Variants in STOML1 observed in about 807,000 individuals in gnomAD.
STOML1 encodes the protein stomatin-like protein 1.
In STOML1, 27 loss-of-function variants were observed where a neutral mutation model predicts 35.7. The ratio of observed to expected loss-of-function variants is 0.76; its 90% CI spans 0.56 to 1.04. The LOEUF (loss-of-function observed/expected upper bound fraction) is 1.04, where lower values mean the gene tolerates loss of function less well. STOML1 is among the 50% of genes least tolerant of loss of function. STOML1 has a pLI of 0.00. For synonymous variants in STOML1, 219 were observed against 227.9 expected, an observed-to-expected ratio of 0.96 and a Z score of 0.35; for missense variants, 451 against 527.1, an observed-to-expected ratio of 0.86 and a Z score of 1.41.
rs776465396 is a variant in STOML1, at chr15:73,985,434, G to T, written c.674C>A (p.Pro225Gln). ...VELAVEAVLQ[P>Q]PQDSPAGPNL... ...GGGCCCAGCTGGGCTGTCCTGGGGC[G>T]GCTGGAGCACGGCCTCCACTGCCAG... The change falls in exon 5 of 7, where the codon CCG becomes CAG. Residue 225 changes from proline (P) to glutamine (Q), a missense_variant. Pro to Gln is a moderately conservative substitution (Grantham distance 76). Coordinates refer to ENST00000541638, the MANE Select transcript of STOML1 (RefSeq NM_004809.5). 32 of 1,554,874 alleles carry T rather than the reference G, an allele frequency of 2.1e-5. No individual in the cohort carries two copies. The highest frequency in any genetic ancestry group is 2.8e-5 in the Non-Finnish European group (32 of 1,157,464).
At position 73,982,803 on chromosome 15, in the gene STOML1, C is replaced by A; in HGVS notation, c.*1134G>T. ...GAGAGTACTGGAGCAGAAAGCAGGG[C>A]TGGGCTGGGCCTGGGGCCAGACCTC... On this transcript the variant is annotated 3_prime_UTR_variant, in exon 7 of 7. Transcript: ENST00000541638. 6.6e-6 allele frequency: 1 copy of A among 152,352 alleles called. No individual in the cohort carries two copies. The highest frequency in any genetic ancestry group is 2.1e-4 in the South Asian group (1 of 4,826). 9.4% of individuals were successfully genotyped at this position (152,352 alleles called of 1,614,324 possible).
rs1271302426 is a variant in STOML1 at position 73,979,071 on chromosome 15, T to G, written c.*4866A>C. The G allele has an allele frequency of 6.6e-6, 1 of 152,080 alleles. No homozygotes were observed. Among genetic ancestry groups the G allele is most frequent in the Non-Finnish European group, 1.5e-5 (1 of 68,028 alleles). The allele number at this position is 152,080 out of a possible 1,614,324, so 9.4% of individuals were successfully genotyped here. A position where few individuals can be genotyped will look rare whatever the true frequency, so the allele number is the denominator to read the frequency against. On this transcript the variant is annotated 3_prime_UTR_variant, in exon 7 of 7. Transcript: ENST00000541638. ...CAAACTACAGATACACAGAATAACA[T>G]GTATTACTCTCAAAACCATTACAGT...
intron 6 of STOML1, among the ~76,000 whole-genome samples, 190 bp downstream of exon 6, chr15:73,984,469 T>C (rs1416901304): frequency 2.0e-5 from 3 of 152,198 alleles, no homozygotes; most frequent in African/African-American, 7.2e-5. Context: ...CCTGGCTGCA[T>C]TGTCCTGCGG....
chr15:73,992,364 A>T (rs1416777816), upstream of STOML1: 3 of 1,047,434 alleles, frequency 2.9e-6, no homozygotes, highest in Non-Finnish European at 3.8e-6. Context: ...CAGGAAGAGG[A>T]GGCCGGCCGG....
rs1329377139 is a variant in STOML1, at chr15:73,982,262, G to A, written c.*1675C>T. The A allele has an allele frequency of 6.6e-6, 1 of 152,518 alleles. No individual in the cohort carries two copies. The highest frequency in any genetic ancestry group is 2.4e-5 in the African/African-American group (1 of 41,472). 9.4% of individuals were successfully genotyped at this position (152,518 alleles called of 1,614,324 possible). A position where few individuals can be genotyped will look rare whatever the true frequency, so the allele number is the denominator to read the frequency against. On this transcript the variant is annotated 3_prime_UTR_variant, in exon 7 of 7. Coordinates refer to ENST00000541638, the MANE Select transcript of STOML1 (RefSeq NM_004809.5). The stretch of plus-strand genomic sequence containing the variant: ...AGCCAGGCAAGGGCACAGAGGACAA[G>A]TCTCACTGGGCCTCAAAGGGTGGCC...
At position 73,990,741 on chromosome 15, in the gene STOML1, C is replaced by T. The variant is rs548869601; in HGVS notation, c.134-284G>A. The stretch of plus-strand genomic sequence containing the variant: ...AGCCATTCAATCTCAGAATCCAGTC[C>T]GCGTGATGATGCTCTCCTCACTGGA... On this transcript the variant is annotated intron_variant, in intron 1 of 6. Transcript: ENST00000541638. The T allele has an allele frequency of 6.5e-4, 939 of 1,438,652 alleles. 9 individuals carry two copies. In the South Asian group the frequency reaches 0.01, roughly 15 times the overall value. The allele number at this position is 1,438,652 out of a possible 1,614,324, so 89.1% of individuals were successfully genotyped here. A position where few individuals can be genotyped will look rare whatever the true frequency, so the allele number is the denominator to read the frequency against.
intron 1 of STOML1, 30 bp from the exon 2 acceptor site, chr15:73,990,487 G>T (rs775201330): frequency 6.4e-7 from 1 of 1,553,242 alleles, no homozygotes; most frequent in Non-Finnish European, 8.7e-7. Context: ...TGGTCAACTG[G>T]ACCTGCACGA....
chr15:73,992,973 G>T (rs897584486), upstream of STOML1, among the ~76,000 whole-genome samples: 1 of 152,186 alleles, frequency 6.6e-6, no homozygotes, highest in African/African-American at 2.4e-5. Flanking sequence ...AGCCCAGCAA[G>T]CAGGGACTGG....
At chr15:73,991,956 C>A in intron 1 of STOML1, 135 bp downstream of exon 1, 1 of 1,333,402 alleles carries the variant, frequency 7.5e-7, no homozygotes, top group East Asian at 2.5e-5. Flanking sequence ...CCCCTCTCCA[C>A]ATCGTATCCC....
Position 73,985,621 on chromosome 15 carries a change from C to T in STOML1, c.595-108G>A, listed in dbSNP as rs557878919. On this transcript the variant is annotated intron_variant, in intron 4 of 6. Transcript: ENST00000541638. ...CATGGACATGGAGGCACCACACCGC[C>T]CTTGAGACACTCCTAGCCTGGGAAC... 2.3e-5 allele frequency: 29 copies of T among 1,286,058 alleles called. No homozygotes were observed. The South Asian group carries it at 4.3e-4, about 19-fold the overall frequency. 79.7% of individuals were successfully genotyped at this position (1,286,058 alleles called of 1,614,324 possible). A position where few individuals can be genotyped will look rare whatever the true frequency, so the allele number is the denominator to read the frequency against.
In STOML1 at chr15:73,981,363, T is replaced by A. The variant is rs963689100; in HGVS notation, c.*2574A>T. The A allele has an allele frequency of 1.3e-5, 2 of 151,972 alleles. No homozygotes were observed. Among genetic ancestry groups the A allele is most frequent in the East Asian group, 1.9e-4 (1 of 5,192 alleles). 9.4% of individuals were successfully genotyped at this position (151,972 alleles called of 1,614,324 possible). ...GTAAGACTCTTGTTTCAAAAAAAAA[T>A]AAAATACTTTTCAATAACATCAAAA... On this transcript the variant is annotated 3_prime_UTR_variant, in exon 7 of 7. Coordinates refer to ENST00000541638, the MANE Select transcript of STOML1 (RefSeq NM_004809.5).
chr15:73,992,445 G>T (rs1050055415), upstream of STOML1: 9 of 406,492 alleles, frequency 2.2e-5, no homozygotes, highest in Non-Finnish European at 3.7e-5. Context: ...GCTACTGGGT[G>T]TGATCGGCGT....
At chr15:73,985,732 G>A in intron 4 of STOML1, 2 of 537,590 alleles carry the variant, frequency 3.7e-6, no homozygotes, top group African/African-American at 2.0e-5. Flanking sequence ...GAGGAGGGTG[G>A]TGCCAGCAGG....
rs1392877678 is a variant in STOML1, at chr15:73,983,033, A to G, written c.*904T>C. 1 of 144,490 alleles carries G rather than the reference A, an allele frequency of 6.9e-6. No homozygotes were observed. Among genetic ancestry groups the G allele is most frequent in the African/African-American group, 2.5e-5 (1 of 39,774 alleles). 9.0% of individuals were successfully genotyped at this position (144,490 alleles called of 1,614,324 possible). A position where few individuals can be genotyped will look rare whatever the true frequency, so the allele number is the denominator to read the frequency against. On this transcript the variant is annotated 3_prime_UTR_variant, in exon 7 of 7. Coordinates refer to ENST00000541638, the MANE Select transcript of STOML1 (RefSeq NM_004809.5). ...ACTACAAAGAGGAACAGAACTCCCC[A>G]CCCAGCCCCACCCTTGCTTCCAGGG...
chr15:73,986,853 G>A (rs1027497773), intron 4 of STOML1: 1 of 153,564 alleles, frequency 6.5e-6, no homozygotes, highest in African/African-American at 2.4e-5. Flanking sequence ...GGAGCTAGAG[G>A]GCACTGTGGC....
At chr15:73,984,164 G>A (rs767184094) in intron 6 of STOML1, 34 bp from the exon 7 acceptor site, 1 of 1,589,664 alleles carries the variant, frequency 6.3e-7, no homozygotes, top group Non-Finnish European at 8.6e-7. Context: ...TGTCAGTAGG[G>A]GAATGGAGGA....
chr15:73,990,883 C>T, intron 1 of STOML1: 1 of 1,535,400 alleles, frequency 6.5e-7, no homozygotes, highest in Non-Finnish European at 8.7e-7. Flanking sequence ...AAACACATTC[C>T]TCCTATACCA....
At chr15:73,994,164 A>G (rs1312060594), upstream of STOML1, among the ~76,000 whole-genome samples, 1 of 152,016 alleles carries the variant, frequency 6.6e-6, no homozygotes, top group Non-Finnish European at 1.5e-5. Flanking sequence ...GTCCTAGCAC[A>G]CTCCTTGGGT....
upstream of STOML1, chr15:73,994,518 C>A: frequency 2.0e-6 from 1 of 506,732 alleles, no homozygotes; most frequent in Admixed American, 3.3e-5. Flanking sequence ...AGGGCTGCCC[C>A]CCTGCAGCTC....
Sources: gnomAD v4.1 joint callset for allele counts (sites outside exome capture counted in the v4.1 genomes callset) on GRCh38, gnomAD v4.1.1 for gene constraint, MANE v1.5 for transcripts, NCBI Gene and HGNC (gene_info 2026-07-23, HGNC 2026-07-21) for gene names.